The following NALF1 variants were observed in gnomAD, a reference collection of about 807,000 sequenced individuals.
NALF1 encodes NALCN channel auxiliary factor 1.
Under a neutral mutation model 48.4 loss-of-function variants are expected in NALF1, and 3 were observed. The ratio of observed to expected loss-of-function variants is 0.06; its 90% CI spans 0.03 to 0.16. NALF1 has a LOEUF of 0.16. Ranked by LOEUF, NALF1 falls within the 10% of genes least tolerant of loss-of-function variation. The pLI is 1.00. For missense variants in NALF1, 526 were observed against 571.5 expected (o/e 0.92, Z 0.81); for synonymous variants, 262 against 245.7 (o/e 1.07, Z -0.62).
At chr13:107,254,315 C>A (rs1880768187) in intron 1 of NALF1, among the ~76,000 whole-genome samples, 1 of 152,226 alleles carries the variant, frequency 6.6e-6, no homozygotes. Context: ...GGGTGGAAAG[C>A]ACGCACGCTC....
chr13:107,549,466 G>T (rs1877228587), intron 1 of NALF1, among the ~76,000 whole-genome samples: 1 of 152,120 alleles, frequency 6.6e-6, no homozygotes, highest in African/African-American at 2.4e-5. Flanking sequence ...TCAGCTCTGA[G>T]AACTACATAC....
intron 1 of NALF1, among the ~76,000 whole-genome samples, chr13:107,561,814 A>C (rs1273189528): frequency 6.6e-6 from 1 of 152,216 alleles, no homozygotes; most frequent in Non-Finnish European, 1.5e-5. Context: ...CTGTGTTTGC[A>C]TAACTGTCTC....
At chr13:107,723,390 T>G (rs1876045782) in intron 1 of NALF1, among the ~76,000 whole-genome samples, 1 of 152,166 alleles carries the variant, frequency 6.6e-6, no homozygotes, top group Non-Finnish European at 1.5e-5. Flanking sequence ...CCCATCATTT[T>G]TTTATGTAAC....
intron 1 of NALF1, among the ~76,000 whole-genome samples, chr13:107,593,015 G>T (rs181343015): frequency 6.6e-6 from 1 of 151,866 alleles, no homozygotes; most frequent in Admixed American, 6.6e-5. Flanking sequence ...TAACGCTGTT[G>T]ATCTCTTTAG....
chr13:107,865,668 C>G lies in NALF1; in HGVS notation c.915+14G>C, dbSNP rs773183581. ...GAAAGTGCAGGAAAGGGGGAAACCC[C>G]CGAGGGTTCCTACCTTACAGTCTTC... On this transcript the variant is annotated intron_variant, in intron 1 of 2. Transcript: ENST00000375915. 2.5e-6 allele frequency: 4 copies of G among 1,608,202 alleles called. No individual in the cohort carries two copies. Among genetic ancestry groups the G allele is most frequent in the Non-Finnish European group, 1.7e-6 (2 of 1,175,710 alleles).
intron 1 of NALF1, among the ~76,000 whole-genome samples, chr13:107,650,462 C>A (rs1880425445): frequency 6.9e-6 from 1 of 145,862 alleles, no homozygotes; most frequent in East Asian, 2.2e-4. Flanking sequence ...GACTATTATT[C>A]TAAGTGAAGT....
intron 1 of NALF1, among the ~76,000 whole-genome samples, chr13:107,409,560 A>C (rs553526857): frequency 2.0e-5 from 3 of 152,262 alleles, no homozygotes; most frequent in African/African-American, 7.2e-5. Context: ...TCAGAGTGAG[A>C]GACAATGTGG....
In NALF1 at chr13:107,362,205, A is replaced by G. The variant is rs974481558; in HGVS notation, c.916-151450T>C. Among the ~76,000 whole-genome samples, 1 of 152,162 alleles carries G rather than the reference A, an allele frequency of 6.6e-6. No homozygotes were observed. The highest frequency in any genetic ancestry group is 1.5e-5 in the Non-Finnish European group (1 of 68,036). On this transcript the variant is annotated intron_variant, in intron 1 of 2. Transcript: ENST00000375915. The surrounding 1 kb of genome is among the most constrained non-coding windows in gnomAD (Gnocchi z 4.6). ...ATGACAAGGTTACCTGATGGTGGGG[A>G]AAAACGGGGTCAGGTGACAGCTTTA...
rs189590383 is a variant in NALF1, at chr13:107,634,684, G to C, written c.915+230998C>G. Among the ~76,000 whole-genome samples the C allele has an allele frequency of 1.2e-3, 186 of 152,134 alleles. 2 individuals carry two copies. The highest frequency in any genetic ancestry group is 4.2e-3 in the African/African-American group (173 of 41,520). The stretch of plus-strand genomic sequence containing the variant: ...GTGGGTTTTTTCCACATTTCAGGGA[G>C]AGAAGGCTTAAGAAGGAGCAGAGGC... On this transcript the variant is annotated intron_variant, in intron 1 of 2. Coordinates refer to ENST00000375915, the MANE Select transcript of NALF1 (RefSeq NM_001080396.3).
intron 1 of NALF1, among the ~76,000 whole-genome samples, chr13:107,723,442 G>A (rs926857157): frequency 2.0e-5 from 3 of 151,680 alleles, no homozygotes; most frequent in African/African-American, 7.3e-5. Flanking sequence ...ACACACATAC[G>A]GTATACACAC....
Position 107,773,019 on chromosome 13 carries a change from A to T in NALF1, c.915+92663T>A, listed in dbSNP as rs377236315. Among the ~76,000 whole-genome samples the T allele has an allele frequency of 8.9e-4, 135 of 152,322 alleles. 1 individual carries two copies. The Middle Eastern group carries it at 0.027, about 31-fold the overall frequency. ...ATTTCATATTTGTTTTATTTAAAGA[A>T]GATTAAATGAGTACAGTGTACCTTG... On this transcript the variant is annotated intron_variant, in intron 1 of 2. Transcript: ENST00000375915.
At chr13:107,716,674 T>C (rs978551112) in intron 1 of NALF1, among the ~76,000 whole-genome samples, 1 of 152,206 alleles carries the variant, frequency 6.6e-6, no homozygotes, top group Non-Finnish European at 1.5e-5. Flanking sequence ...TGACTATATT[T>C]AAACACAGGA....
intron 1 of NALF1, among the ~76,000 whole-genome samples, chr13:107,305,395 T>G (rs1055896503): frequency 6.6e-6 from 1 of 152,238 alleles, no homozygotes; most frequent in African/African-American, 2.4e-5. Context: ...ATAATGGGAT[T>G]TCTAAAACAA....
chr13:107,265,343 T>C (rs534594856), intron 1 of NALF1, among the ~76,000 whole-genome samples: 1 of 152,362 alleles, frequency 6.6e-6, no homozygotes, highest in South Asian at 2.1e-4. Flanking sequence ...CTGTATTTTT[T>C]AAAACATTAA....
At chr13:107,776,753 C>G (rs1036670601) in intron 1 of NALF1, among the ~76,000 whole-genome samples, 1 of 152,166 alleles carries the variant, frequency 6.6e-6, no homozygotes, top group Non-Finnish European at 1.5e-5. Flanking sequence ...GATGTAAATG[C>G]TGCAATATAA....
At chr13:107,294,129 A>G (rs1881681594) in intron 1 of NALF1, among the ~76,000 whole-genome samples, 2 of 152,106 alleles carry the variant, frequency 1.3e-5, no homozygotes, top group South Asian at 2.1e-4. Context: ...TCGAAGAACT[A>G]CTGCCAATCT....
At position 107,200,881 on chromosome 13, in the gene NALF1, G is replaced by A. The variant is rs886483664; in HGVS notation, c.1087+9703C>T. On this transcript the variant is annotated intron_variant, in intron 2 of 2. Coordinates refer to ENST00000375915, the MANE Select transcript of NALF1 (RefSeq NM_001080396.3). ...CTGTAGTCCCGGTGACTTTAGTGCG[G>A]CCACAGGACCTGTTCCTACTCATTG... 4.6e-5 allele frequency among the ~76,000 whole-genome samples: 7 copies of A among 152,124 alleles called. No individual in the cohort carries two copies. In the South Asian group the frequency reaches 1.2e-3, roughly 27 times the overall value.
intron 1 of NALF1, among the ~76,000 whole-genome samples, chr13:107,313,006 C>A (rs946857895): frequency 6.6e-6 from 1 of 152,030 alleles, no homozygotes; most frequent in Non-Finnish European, 1.5e-5. Flanking sequence ...GACATAAACA[C>A]GAAGTATTGT....
chr13:107,750,495 T>C (rs1433857865), intron 1 of NALF1, among the ~76,000 whole-genome samples: 1 of 151,358 alleles, frequency 6.6e-6, no homozygotes, highest in Non-Finnish European at 1.5e-5. Context: ...GTGAATCATA[T>C]AAAAGCATGC....
Sources: allele counts gnomAD v4.1 joint callset (sites outside exome capture counted in the v4.1 genomes callset), GRCh38; gene constraint gnomAD v4.1.1; non-coding constraint Gnocchi (gnomAD v3.1); transcripts MANE v1.5; gene names NCBI Gene and HGNC (gene_info 2026-07-23, HGNC 2026-07-21).